Variants in SCN11A observed in about 807,000 individuals in gnomAD.
The protein encoded by SCN11A is sodium voltage-gated channel alpha subunit 11.
A neutral mutation model predicts 162.2 loss-of-function variants in SCN11A; 122 were observed. The ratio of observed to expected loss-of-function variants is 0.75; its 90% CI spans 0.65 to 0.87. SCN11A has a LOEUF of 0.87. SCN11A is among the 40% of genes least tolerant of loss of function. The pLI, the probability that SCN11A is intolerant of heterozygous loss-of-function variation, is 0.00. For synonymous variants in SCN11A, 758 were observed against 751.5 expected, an observed-to-expected ratio of 1.01 and a Z score of -0.14; for missense variants, 2,015 against 2,181.6, an observed-to-expected ratio of 0.92 and a Z score of 1.52.
At chr3:38,950,572 T>C (rs1302152365) in intron 4 of SCN11A, 3 of 570,948 alleles carry the variant, frequency 5.3e-6, no homozygotes, top group Non-Finnish European at 9.3e-6. Context: ...ACTTTTGGCA[T>C]AGACAAAACC....
intron 2 of SCN11A, among the ~76,000 whole-genome samples, chr3:38,999,686 C>G (rs1258222461): frequency 6.6e-6 from 1 of 152,172 alleles, no homozygotes; most frequent in East Asian, 1.9e-4. Flanking sequence ...ATAATAATCA[C>G]AGTAAAAACA....
intron 2 of SCN11A, among the ~76,000 whole-genome samples, chr3:38,982,047 A>C (rs2030077581): frequency 6.6e-6 from 1 of 152,048 alleles, no homozygotes; most frequent in South Asian, 2.1e-4. Flanking sequence ...AAAAAGAAAA[A>C]AACAAAAACA....
chr3:38,850,692 G>A lies in SCN11A; in HGVS notation c.4116C>T (p.Ile1372=). ...IVTSQIFDII[I]ISLIILNMIS... ...TCATGTTTAGGATAATGAGACTTAT[G>A]ATGATGATGTCAAAGATCTGGCTTG... Residue 1372 remains isoleucine, a synonymous_variant, in exon 29 of 30, where the codon ATC becomes ATT. Transcript: ENST00000302328. 6.2e-7 allele frequency: 1 copy of A among 1,613,170 alleles called. No homozygotes were observed. The highest frequency in any genetic ancestry group is 8.5e-7 in the Non-Finnish European group (1 of 1,179,218).
intron 1 of SCN11A, among the ~76,000 whole-genome samples, chr3:39,050,446 T>C (rs565677304): frequency 1.6e-4 from 24 of 152,208 alleles, no homozygotes; most frequent in Non-Finnish European, 2.5e-4. Flanking sequence ...CTAAATAATA[T>C]TTTGTTAAAT....
At chr3:38,855,682 G>T (rs2064856980) in intron 28 of SCN11A, among the ~76,000 whole-genome samples, 1 of 152,128 alleles carries the variant, frequency 6.6e-6, no homozygotes, top group East Asian at 1.9e-4. Context: ...TAATTCTACT[G>T]CCTGCAACAT....
chr3:38,945,833 G>A (rs1410236277), intron 6 of SCN11A, among the ~76,000 whole-genome samples: 1 of 152,168 alleles, frequency 6.6e-6, no homozygotes, highest in Non-Finnish European at 1.5e-5. Flanking sequence ...AGGTGACTCA[G>A]CTGAGACCAT....
rs1360726489 is a variant in SCN11A at position 38,925,434 on chromosome 3, T to A, written c.693A>T (p.Lys231Asn). 1 of 1,612,322 alleles carries A rather than the reference T, an allele frequency of 6.2e-7. No individual in the cohort carries two copies. Among genetic ancestry groups the A allele is most frequent in the South Asian group, 1.1e-5 (1 of 91,050 alleles). ...ACTTACGTGAAACTACTGAAATTGCTTTCAAAGCTCTGAACACACGGAAGG... is the reference window on the plus strand; with the variant it reads ...ACTTACGTGAAACTACTGAAATTGCATTCAAAGCTCTGAACACACGGAAGG... ...LRTFRVFRAL[K>N]AISVVSRLKV... Residue 231 changes from lysine (K) to asparagine (N), a missense_variant, in exon 9 of 30, where the codon AAA becomes AAT. By Grantham distance (94) the Lys-to-Asn change is moderately conservative. Transcript: ENST00000302328.
intron 23 of SCN11A, 107 bp downstream of exon 23, chr3:38,879,843 A>G: frequency 2.4e-6 from 2 of 830,930 alleles, no homozygotes; most frequent in South Asian, 1.7e-5. Context: ...AAGAAAAACT[A>G]TTTTAGACAG....
At chr3:38,941,776 A>G (rs1312911692) in intron 7 of SCN11A, among the ~76,000 whole-genome samples, 1 of 148,430 alleles carries the variant, frequency 6.7e-6, no homozygotes, top group East Asian at 1.9e-4. Flanking sequence ...ATAATGGAGT[A>G]GCAAAGGAAC....
intron 4 of SCN11A, among the ~76,000 whole-genome samples, chr3:38,952,740 G>C (rs2066636984): frequency 6.6e-6 from 1 of 152,226 alleles, no homozygotes; most frequent in Non-Finnish European, 1.5e-5. Context: ...GAGACCTGAA[G>C]GAGATGTAAG....
chr3:39,022,350 C>T (rs2031474585), intron 2 of SCN11A, among the ~76,000 whole-genome samples: 1 of 152,138 alleles, frequency 6.6e-6, no homozygotes. Flanking sequence ...CTCCCTTTGC[C>T]CCTCCCTTGA....
chr3:38,991,103 T>C (rs997247893), intron 2 of SCN11A, among the ~76,000 whole-genome samples: 1 of 152,140 alleles, frequency 6.6e-6, no homozygotes, highest in Non-Finnish European at 1.5e-5. Flanking sequence ...TTCTTAGAAA[T>C]GGATGGGAGT....
intron 28 of SCN11A, among the ~76,000 whole-genome samples, chr3:38,854,570 A>G (rs923756047): frequency 6.6e-6 from 1 of 152,210 alleles, no homozygotes; most frequent in African/African-American, 2.4e-5. Flanking sequence ...GAACCACCGC[A>G]GGAACGTAAC....
chr3:38,858,086 G>A (rs1292585620), intron 28 of SCN11A, among the ~76,000 whole-genome samples: 3 of 151,872 alleles, frequency 2.0e-5, no homozygotes, highest in Non-Finnish European at 4.4e-5. Context: ...AATTCTCACG[G>A]GGCCTATAAA....
At chr3:38,943,316 G>C (rs944356601) in intron 7 of SCN11A, among the ~76,000 whole-genome samples, 1 of 152,162 alleles carries the variant, frequency 6.6e-6, no homozygotes, top group Admixed American at 6.5e-5. Context: ...GTCTGGGGTT[G>C]GGAGTGGGAA....
At chr3:39,006,512 G>A (rs2030977184) in intron 2 of SCN11A, among the ~76,000 whole-genome samples, 1 of 151,956 alleles carries the variant, frequency 6.6e-6, no homozygotes, top group Non-Finnish European at 1.5e-5. Flanking sequence ...GCTTTTTTAT[G>A]AAAGATGGAG....
At chr3:39,006,131 C>T (rs1455437822) in intron 2 of SCN11A, among the ~76,000 whole-genome samples, 5 of 152,014 alleles carry the variant, frequency 3.3e-5, no homozygotes, top group Non-Finnish European at 5.9e-5. Context: ...ATTATCATTC[C>T]TTATTATGTA....
intron 9 of SCN11A, among the ~76,000 whole-genome samples, chr3:38,923,716 T>A (rs549476455): frequency 1.3e-5 from 2 of 152,144 alleles, no homozygotes; most frequent in East Asian, 3.9e-4. Flanking sequence ...TTGTGTCAGT[T>A]TGGGTTTTGA....
At chr3:38,905,084 G>C (rs530990960) in intron 15 of SCN11A, 108 bp downstream of exon 15, 1 of 1,447,066 alleles carries the variant, frequency 6.9e-7, no homozygotes, top group Non-Finnish European at 9.7e-7. Context: ...CAGTGGGTTG[G>C]TTCCAAAACA....
Sources: allele counts gnomAD v4.1 joint callset (sites outside exome capture counted in the v4.1 genomes callset), GRCh38; gene constraint gnomAD v4.1.1; transcripts MANE v1.5; gene names NCBI Gene and HGNC (gene_info 2026-07-23, HGNC 2026-07-21).